The following CNTN5 variants were observed in gnomAD, a reference collection of about 807,000 sequenced individuals.
CNTN5 encodes the protein contactin-5.
CNTN5 carries 77 observed loss-of-function variants against 129.1 expected under a neutral mutation model. The ratio of observed to expected loss-of-function variants is 0.60; its 90% CI spans 0.50 to 0.72. CNTN5 has a LOEUF of 0.72. Among genes scored for constraint, CNTN5 ranks in the 30% least tolerant of loss-of-function variants. The pLI is 0.00. For missense variants in CNTN5, 1,478 were observed against 1,328.8 expected (o/e 1.11, Z -1.75); for synonymous variants, 509 against 465.6 (o/e 1.09, Z -1.20).
chr11:99,541,061 C>T (rs1948088575), intron 2 of CNTN5, among the ~76,000 whole-genome samples: 1 of 152,186 alleles, frequency 6.6e-6, no homozygotes, highest in Non-Finnish European at 1.5e-5. Context: ...CTTTACCCTT[C>T]ATCTTCTGAC....
intron 2 of CNTN5, among the ~76,000 whole-genome samples, chr11:99,436,118 A>G (rs1943590438): frequency 6.6e-6 from 1 of 152,200 alleles, no homozygotes; most frequent in Non-Finnish European, 1.5e-5. Context: ...GTAAAAGCAG[A>G]TCATGATCAT....
At chr11:99,113,972 T>A (rs1020170662) in intron 1 of CNTN5, among the ~76,000 whole-genome samples, 5 of 152,186 alleles carry the variant, frequency 3.3e-5, no homozygotes, top group African/African-American at 1.2e-4. Flanking sequence ...ACTTGGTGCA[T>A]CCCTCTCATA....
At chr11:99,909,981 T>A (rs575577637) in intron 6 of CNTN5, among the ~76,000 whole-genome samples, 5 of 152,082 alleles carry the variant, frequency 3.3e-5, no homozygotes, top group African/African-American at 1.2e-4. Context: ...AAAAGAATTG[T>A]AGCATTATAT....
chr11:99,869,328 A>T (rs537536421), intron 6 of CNTN5, among the ~76,000 whole-genome samples: 2 of 152,188 alleles, frequency 1.3e-5, no homozygotes, highest in South Asian at 4.1e-4. Context: ...AACAATTTCA[A>T]TCCAGAACTC....
Position 99,669,458 on chromosome 11 carries a change from GTGTGTGTGTGTGTGTATA to G in CNTN5, c.55+113195_55+113212del, listed in dbSNP as rs1423022600. On this transcript the variant is annotated intron_variant, in intron 3 of 24. Coordinates refer to ENST00000524871, the MANE Select transcript of CNTN5 (RefSeq NM_014361.4). Reference sequence around the variant, plus strand: ...TTAAATATGGTGTGTGTGTGTGTGTGTGTGTGTGTGTGTGTATATGTGTATACATATATACACATATAT... The same window carrying G: ...TTAAATATGGTGTGTGTGTGTGTGTGTGTGTATACATATATACACATATAT... 2.5e-4 allele frequency among the ~76,000 whole-genome samples: 20 copies of G among 79,932 alleles called. No individual in the cohort carries two copies. In the Admixed American group the frequency reaches 2.6e-3, roughly 10 times the overall value. The allele number at this position is 79,932 out of a possible 152,430, so 52.4% of individuals were successfully genotyped here.
At chr11:100,178,284 A>T (rs1053174883) in intron 13 of CNTN5, among the ~76,000 whole-genome samples, 1 of 152,100 alleles carries the variant, frequency 6.6e-6, no homozygotes, top group African/African-American at 2.4e-5. Flanking sequence ...TCTATCTTAT[A>T]AACATACCAT....
intron 16 of CNTN5, among the ~76,000 whole-genome samples, chr11:100,253,568 A>G (rs1950012953): frequency 2.0e-5 from 3 of 152,138 alleles, no homozygotes; most frequent in Admixed American, 1.3e-4. Flanking sequence ...TGAGATTATC[A>G]CAGCTATTAG....
intron 2 of CNTN5, among the ~76,000 whole-genome samples, chr11:99,418,677 T>G (rs1046057765): frequency 6.6e-6 from 1 of 152,176 alleles, no homozygotes; most frequent in Non-Finnish European, 1.5e-5. Flanking sequence ...TGTTTGGGGT[T>G]TCTTTCTTCC....
At chr11:100,337,058 C>G in intron 21 of CNTN5, 1 of 1,181,016 alleles carries the variant, frequency 8.5e-7, no homozygotes, top group Non-Finnish European at 1.3e-6. Context: ...ATTGGCAATG[C>G]TGAGATTTCA....
chr11:99,593,173 T>C (rs1380633813), intron 3 of CNTN5, among the ~76,000 whole-genome samples: 2 of 152,194 alleles, frequency 1.3e-5, no homozygotes, highest in East Asian at 3.9e-4. Flanking sequence ...CTCTCCTTCA[T>C]TATAACCCTA....
At chr11:100,189,023 A>C (rs994713484) in intron 13 of CNTN5, among the ~76,000 whole-genome samples, 3 of 152,120 alleles carry the variant, frequency 2.0e-5, no homozygotes, top group Admixed American at 6.6e-5. Flanking sequence ...TGGGAGGTAA[A>C]CAATGGAACT....
chr11:99,924,320 G>A (rs1165696062), intron 7 of CNTN5, among the ~76,000 whole-genome samples: 2 of 151,814 alleles, frequency 1.3e-5, no homozygotes, highest in Non-Finnish European at 2.9e-5. Flanking sequence ...TTTTTGCCTA[G>A]GCCAATGTCT....
intron 16 of CNTN5, among the ~76,000 whole-genome samples, chr11:100,228,401 C>G (rs1949424198): frequency 6.6e-6 from 1 of 152,194 alleles, no homozygotes; most frequent in Admixed American, 6.5e-5. Flanking sequence ...CAACCATCCA[C>G]CTTGAACCCC....
At chr11:99,228,099 T>C (rs116421464) in intron 1 of CNTN5, among the ~76,000 whole-genome samples, 2,158 of 152,266 alleles carry the variant, frequency 0.014, 55 homozygotes, top group African/African-American at 0.049. Context: ...AATTACGTTA[T>C]ATATTCTGAC....
intron 3 of CNTN5, among the ~76,000 whole-genome samples, chr11:99,608,464 G>A (rs1317892125): frequency 6.6e-6 from 1 of 152,154 alleles, no homozygotes; most frequent in Non-Finnish European, 1.5e-5. Context: ...TGGAGATTGG[G>A]CCTTTACAGA....
At chr11:99,964,409 T>A (rs1951036712) in intron 8 of CNTN5, among the ~76,000 whole-genome samples, 1 of 152,176 alleles carries the variant, frequency 6.6e-6, no homozygotes, top group African/African-American at 2.4e-5. Context: ...GCATCTATTG[T>A]GATAATCATG....
At chr11:99,519,761 A>G (rs1189567253) in intron 2 of CNTN5, among the ~76,000 whole-genome samples, 3 of 152,068 alleles carry the variant, frequency 2.0e-5, no homozygotes, top group Non-Finnish European at 2.9e-5. Flanking sequence ...TCTGGGAACA[A>G]TTCTAGAGTT....
At chr11:99,354,325 A>T (rs1178023284) in intron 2 of CNTN5, among the ~76,000 whole-genome samples, 1 of 152,112 alleles carries the variant, frequency 6.6e-6, no homozygotes, top group East Asian at 1.9e-4. Flanking sequence ...TTGACCTTAG[A>T]ATAGGGGTTG....
At chr11:100,179,858 T>A (rs1438857324) in intron 13 of CNTN5, among the ~76,000 whole-genome samples, 1 of 152,134 alleles carries the variant, frequency 6.6e-6, no homozygotes, top group Non-Finnish European at 1.5e-5. Context: ...TGAACTCATT[T>A]AAGAAGTAGA....
Sources: gnomAD v4.1 joint callset for allele counts (sites outside exome capture counted in the v4.1 genomes callset) on GRCh38, gnomAD v4.1.1 for gene constraint, MANE v1.5 for transcripts, NCBI Gene and HGNC (gene_info 2026-07-23, HGNC 2026-07-21) for gene names.